The following IFI27 variants were observed in gnomAD, a reference collection of about 807,000 sequenced individuals.
The protein encoded by IFI27 is interferon alpha inducible protein 27.
IFI27 carries 3 observed loss-of-function variants against 8.9 expected under a neutral mutation model. The ratio of observed to expected loss-of-function variants is 0.34; its 90% CI spans 0.15 to 0.87. The LOEUF (loss-of-function observed/expected upper bound fraction) is 0.87, where lower values mean the gene tolerates loss of function less well. IFI27 is among the 40% of genes least tolerant of loss of function. The pLI is 0.51. For synonymous variants in IFI27, 66 were observed against 67.3 expected (o/e 0.98, Z 0.09); for missense variants, 152 against 157.7 (o/e 0.96, Z 0.19).
Position 94,116,517 on chromosome 14 carries a change from G to A in IFI27, c.359G>A (p.Arg120Lys). Reference sequence around the variant, plus strand: ...TCTGCCATTGCGGCTGTCATTGCGAGGTTCTACTAGCTCCCTGCCCCTCGC... The same window carrying A: ...TCTGCCATTGCGGCTGTCATTGCGAAGTTCTACTAGCTCCCTGCCCCTCGC... Residue 120 changes from arginine to lysine, a missense_variant, in exon 5 of 5, where the codon AGG (arginine) becomes AAG (lysine). Physicochemically the swap from Arg to Lys is conservative, Grantham distance 26 (BLOSUM62 2). Transcript: ENST00000621160. The surrounding 1 kb of genome is among the most constrained non-coding windows in gnomAD (Gnocchi z 4.3). The A allele has an allele frequency of 6.2e-7, 1 of 1,612,676 alleles. No homozygotes were observed. The highest frequency in any genetic ancestry group is 8.5e-7 in the Non-Finnish European group (1 of 1,179,360).
upstream of IFI27, among the ~76,000 whole-genome samples, chr14:94,106,754 C>T (rs1281222246): frequency 3.3e-5 from 5 of 152,286 alleles, 1 homozygote; most frequent in South Asian, 1.0e-3. Flanking sequence ...CCTCAAGAAA[C>T]TTGTACTCAC....
chr14:94,111,948 G>T lies in IFI27; in HGVS notation c.91+175G>T. On this transcript the variant is annotated intron_variant, in intron 2 of 4. Transcript: ENST00000621160. The surrounding 1 kb of genome is among the most constrained non-coding windows in gnomAD (Gnocchi z 4.3). ...ACTTTCCATCTGGGAGGGGGCCCGGGGCAGGCAGACTCTGGCCAGATGCCC... is the reference window on the plus strand; with the variant it reads ...ACTTTCCATCTGGGAGGGGGCCCGGTGCAGGCAGACTCTGGCCAGATGCCC... 1.5e-6 allele frequency: 1 copy of T among 651,366 alleles called. No individual in the cohort carries two copies. Among genetic ancestry groups the T allele is most frequent in the Non-Finnish European group, 2.8e-6 (1 of 360,828 alleles). 40.3% of individuals were successfully genotyped at this position (651,366 alleles called of 1,614,324 possible).
intron 3 of IFI27, chr14:94,115,330 T>A (rs1437850265): frequency 1.9e-6 from 1 of 519,028 alleles, no homozygotes; most frequent in Admixed American, 2.3e-5. Context: ...GCTTCCAGTG[T>A]GCTCTGTGGC....
At position 94,111,335 on chromosome 14, in the gene IFI27, G is replaced by C. The variant is rs1002762458; in HGVS notation, c.-58-290G>C. Among the ~76,000 whole-genome samples, 1 of 152,198 alleles carries C rather than the reference G, an allele frequency of 6.6e-6. No homozygotes were observed. Among genetic ancestry groups the C allele is most frequent in the African/African-American group, 2.4e-5 (1 of 41,436 alleles). ...TTTCAATTGCTCCGTGGAGAGATAA[G>C]GGAGTCCCGGAAGTGTCTAAGACAT... On this transcript the variant is annotated intron_variant, in intron 1 of 4. Coordinates refer to ENST00000621160, the Ensembl canonical transcript of IFI27. The surrounding 1 kb of genome is among the most constrained non-coding windows in gnomAD (Gnocchi z 4.3).
chr14:94,107,229 C>T (rs1018027050), upstream of IFI27, among the ~76,000 whole-genome samples: 2 of 152,134 alleles, frequency 1.3e-5, no homozygotes, highest in Non-Finnish European at 2.9e-5. Context: ...ACCACCACGC[C>T]TTGCTAATCT....
chr14:94,115,727 T>A, intron 3 of IFI27, 54 bp from the exon 4 acceptor site: 1 of 1,553,756 alleles, frequency 6.4e-7, no homozygotes, highest in South Asian at 1.2e-5. Context: ...ACTCAGTGTA[T>A]CTGGGGGGGT....
chr14:94,116,094 AGGAG>A lies in IFI27; in HGVS notation c.283+160_283+163del. The A allele has an allele frequency of 1.1e-6, 1 of 938,746 alleles. No individual in the cohort carries two copies. The highest frequency in any genetic ancestry group is 1.7e-6 in the Non-Finnish European group (1 of 600,982). The allele number at this position is 938,746 out of a possible 1,614,324, so 58.2% of individuals were successfully genotyped here. ...CTCAGGGTTTCTCTGAGGGAGATGG[AGGAG>A]GGAGGGAAGGAGCCCAAGCCAGGAA... On this transcript the variant is annotated intron_variant, in intron 4 of 4. Transcript: ENST00000621160. The surrounding 1 kb of genome is among the most constrained non-coding windows in gnomAD (Gnocchi z 4.3).
At position 94,116,537 on chromosome 14, in the gene IFI27, C is replaced by T; in HGVS notation, c.*10C>T. 2 of 1,604,702 alleles carry T rather than the reference C, an allele frequency of 1.2e-6. No individual in the cohort carries two copies. Among genetic ancestry groups the T allele is most frequent in the Non-Finnish European group, 8.5e-7 (1 of 1,174,096 alleles). ...TGCGAGGTTCTACTAGCTCCCTGCC[C>T]CTCGCCCTGCAGAGAAGAGAACCAT... On this transcript the variant is annotated 3_prime_UTR_variant, in exon 5 of 5. Coordinates refer to ENST00000621160, the Ensembl canonical transcript of IFI27. The surrounding 1 kb of genome is among the most constrained non-coding windows in gnomAD (Gnocchi z 4.3).
At position 94,111,767 on chromosome 14, in the gene IFI27, C is replaced by A. The variant is rs763009344; in HGVS notation, c.85C>A (p.Pro29Thr). 6.2e-7 allele frequency: 1 copy of A among 1,613,358 alleles called. No individual in the cohort carries two copies. The highest frequency in any genetic ancestry group is 1.1e-5 in the South Asian group (1 of 91,054). Residue 29 changes from proline (P) to threonine (T), a missense_variant, in exon 2 of 5, where the codon CCC (proline) becomes ACC (threonine). Physicochemically the swap from Pro to Thr is conservative, Grantham distance 38 (BLOSUM62 -1). Transcript: ENST00000621160. This position sits in a 1 kb window ranked among gnomAD's most constrained non-coding sequence, Gnocchi z 4.3. ...GGCCTCTGGCTCTGCCGTAGTTTTG[C>A]CCCTGGGTGAGTGTTCCTGGGAGGG...
Position 94,116,160 on chromosome 14 carries a change from G to T in IFI27, c.283+218G>T, listed in dbSNP as rs1431648644. 5.4e-6 allele frequency: 4 copies of T among 735,140 alleles called. No homozygotes were observed. Among genetic ancestry groups the T allele is most frequent in the Non-Finnish European group, 7.2e-6 (3 of 416,758 alleles). 45.5% of individuals were successfully genotyped at this position (735,140 alleles called of 1,614,324 possible). On this transcript the variant is annotated intron_variant, in intron 4 of 4. Transcript: ENST00000621160. This position sits in a 1 kb window ranked among gnomAD's most constrained non-coding sequence, Gnocchi z 4.3. ...GGAAGACTCAGCCCGAAGCAGATTT[G>T]CTGGGTTACCTGGGGCGTCTCCTCC...
chr14:94,108,702 G>A (rs1887042979), upstream of IFI27, among the ~76,000 whole-genome samples: 1 of 151,806 alleles, frequency 6.6e-6, no homozygotes, highest in Admixed American at 6.6e-5. Flanking sequence ...CGCCATCAGT[G>A]TGGCTTAAAC....
At chr14:94,106,464 GC>G (rs1421079331), upstream of IFI27, among the ~76,000 whole-genome samples, 1 of 152,074 alleles carries the variant, frequency 6.6e-6, no homozygotes, top group Non-Finnish European at 1.5e-5. Context: ...TTATATAAGG[GC>G]CAACACTTTT....
chr14:94,111,797 G>A lies in IFI27; in HGVS notation c.91+24G>A, dbSNP rs767134074. ...GGGTGAGTGTTCCTGGGAGGGGCTG[G>A]TGCTGGGGGCGAGGAGGCGGCTGGG... On this transcript the variant is annotated intron_variant, in intron 2 of 4. Coordinates refer to ENST00000621160, the Ensembl canonical transcript of IFI27. The surrounding 1 kb of genome is among the most constrained non-coding windows in gnomAD (Gnocchi z 4.3). The A allele has an allele frequency of 1.3e-6, 2 of 1,585,298 alleles. No homozygotes were observed. The highest frequency in any genetic ancestry group is 1.7e-6 in the Non-Finnish European group (2 of 1,153,840).
At chr14:94,115,815 T>C (rs1266530646) in exon 4 of IFI27, 1 of 1,608,358 alleles carries the variant, frequency 6.2e-7, no homozygotes, top group Non-Finnish European at 8.5e-7. Flanking sequence ...TGGTGCTCAG[T>C]GCCATGGGCT....
At chr14:94,112,546 G>A (rs1887231425) in intron 2 of IFI27, among the ~76,000 whole-genome samples, 1 of 152,178 alleles carries the variant, frequency 6.6e-6, no homozygotes, top group Non-Finnish European at 1.5e-5. Flanking sequence ...GTCTCCGTGG[G>A]TGGACATCCA....
At chr14:94,106,410 C>T (rs538012265), upstream of IFI27, among the ~76,000 whole-genome samples, 1 of 152,320 alleles carries the variant, frequency 6.6e-6, no homozygotes, top group South Asian at 2.1e-4. Flanking sequence ...TCCATAGCAA[C>T]TACTCCATCT....
rs1428079667 is a variant in IFI27, at chr14:94,111,163, C to T, written c.-59+366C>T. Among the ~76,000 whole-genome samples the T allele has an allele frequency of 6.6e-6, 1 of 152,186 alleles. No homozygotes were observed. The highest frequency in any genetic ancestry group is 1.5e-5 in the Non-Finnish European group (1 of 68,032). On this transcript the variant is annotated intron_variant, in intron 1 of 4. Coordinates refer to ENST00000621160, the Ensembl canonical transcript of IFI27. The surrounding 1 kb of genome is among the most constrained non-coding windows in gnomAD (Gnocchi z 4.3). Reference sequence around the variant, plus strand: ...TCTGACCTGGAGCAAATCACTGAGCCAGATCGCGCTCCCTCATCTGTAACA... The same window carrying T: ...TCTGACCTGGAGCAAATCACTGAGCTAGATCGCGCTCCCTCATCTGTAACA...
chr14:94,114,964 T>A, intron 3 of IFI27, 84 bp downstream of exon 3: 2 of 1,286,664 alleles, frequency 1.6e-6, no homozygotes, highest in Non-Finnish European at 2.3e-6. Flanking sequence ...TCCATGCCAA[T>A]GTTTCCCTCA....
At position 94,111,412 on chromosome 14, in the gene IFI27, T is replaced by A. The variant is rs143393937; in HGVS notation, c.-58-213T>A. Among the ~76,000 whole-genome samples, 2 of 152,170 alleles carry A rather than the reference T, an allele frequency of 1.3e-5. No individual in the cohort carries two copies. Among genetic ancestry groups the A allele is most frequent in the African/African-American group, 4.8e-5 (2 of 41,506 alleles). On this transcript the variant is annotated intron_variant, in intron 1 of 4. Coordinates refer to ENST00000621160, the Ensembl canonical transcript of IFI27. The surrounding 1 kb of genome is among the most constrained non-coding windows in gnomAD (Gnocchi z 4.3). ...AAGCAGCCCCCCTGGGGAAATAAAG[T>A]CCCTCAGGGCCCTGACCTAACACAG... is the stretch of plus-strand genomic sequence containing the variant.
Sources: gnomAD v4.1 joint callset for allele counts (sites outside exome capture counted in the v4.1 genomes callset) on GRCh38, gnomAD v4.1.1 for gene constraint, Gnocchi (gnomAD v3.1) non-coding constraint, MANE v1.5 for transcripts, NCBI Gene and HGNC (gene_info 2026-07-23, HGNC 2026-07-21) for gene names.